Variants in SPMIP2 observed in about 807,000 individuals in gnomAD.
SPMIP2 encodes the protein sperm microtubule inner protein 2.
chr4:159,050,029 A>G, the SPMIP2 span, among the ~76,000 whole-genome samples: 2 of 152,182 alleles, frequency 1.3e-5, no homozygotes, highest in Admixed American at 1.3e-4. Context: ...AAAAATGTGC[A>G]TTGCTAAAAG....
the SPMIP2 span, among the ~76,000 whole-genome samples, chr4:159,047,668 G>A: frequency 6.6e-6 from 1 of 152,212 alleles, no homozygotes; most frequent in African/African-American, 2.4e-5. Context: ...CCCCAGCGAA[G>A]TAGTATTTCC....
At chr4:158,956,073 C>T in the SPMIP2 span, among the ~76,000 whole-genome samples, 1 of 89,740 alleles carries the variant, frequency 1.1e-5, no homozygotes, top group African/African-American at 3.3e-5. Flanking sequence ...TAAACTCTTC[C>T]TCTCAAAATT....
chr4:158,913,846 TA>T, the SPMIP2 span, among the ~76,000 whole-genome samples: 2,035 of 134,146 alleles, frequency 0.015, 11 homozygotes, highest in Middle Eastern at 0.049. Context: ...CCCCATATCT[TA>T]AAAAAAAAAA....
At chr4:158,983,246 T>A in the SPMIP2 span, among the ~76,000 whole-genome samples, 1 of 152,000 alleles carries the variant, frequency 6.6e-6, no homozygotes, top group Non-Finnish European at 1.5e-5. Context: ...TGCAGGATAT[T>A]ATCCAGGAGA....
At chr4:159,031,114 C>T in the SPMIP2 span, among the ~76,000 whole-genome samples, 3 of 152,136 alleles carry the variant, frequency 2.0e-5, no homozygotes, top group East Asian at 3.8e-4. Context: ...TATGAAAACA[C>T]GGACTTTATA....
At chr4:159,075,922 C>T in the SPMIP2 span, among the ~76,000 whole-genome samples, 2 of 152,010 alleles carry the variant, frequency 1.3e-5, no homozygotes, top group African/African-American at 4.8e-5. Flanking sequence ...GAAAAAAAAC[C>T]CTGGCTGGTG....
At chr4:158,974,635 A>C in the SPMIP2 span, among the ~76,000 whole-genome samples, 1 of 151,834 alleles carries the variant, frequency 6.6e-6, no homozygotes, top group African/African-American at 2.4e-5. Context: ...AAGGATATGA[A>C]CTCATTCTTT....
the SPMIP2 span, among the ~76,000 whole-genome samples, chr4:159,067,796 C>G: frequency 6.6e-6 from 1 of 152,064 alleles, no homozygotes; most frequent in African/African-American, 2.4e-5. Context: ...CTATAATGAA[C>G]TCAAACAAAT....
At chr4:158,929,009 G>A in the SPMIP2 span, among the ~76,000 whole-genome samples, 8 of 152,182 alleles carry the variant, frequency 5.3e-5, no homozygotes, top group Non-Finnish European at 4.4e-5. Context: ...CACTGCGAGC[G>A]TCCGAGCGTC....
chr4:159,069,618 C>G, the SPMIP2 span, among the ~76,000 whole-genome samples: 3 of 151,138 alleles, frequency 2.0e-5, no homozygotes, highest in Non-Finnish European at 3.0e-5. Flanking sequence ...AAAAAAAAAT[C>G]TTTTGTAGAT....
chr4:158,969,863 G>A, the SPMIP2 span, among the ~76,000 whole-genome samples: 4 of 152,218 alleles, frequency 2.6e-5, no homozygotes, highest in African/African-American at 9.7e-5. Context: ...CAATTGCCAT[G>A]TGAGACACTG....
the SPMIP2 span, among the ~76,000 whole-genome samples, chr4:159,003,504 C>A: frequency 1.3e-5 from 2 of 152,284 alleles, no homozygotes; most frequent in African/African-American, 4.8e-5. Context: ...CTAACCACTT[C>A]TGTTATTTCC....
chr4:158,963,888 A>G, the SPMIP2 span, among the ~76,000 whole-genome samples: 1 of 152,134 alleles, frequency 6.6e-6, no homozygotes, highest in Non-Finnish European at 1.5e-5. Context: ...TCAGCCGAGT[A>G]CGGTGGCTCA....
At chr4:159,051,997 C>G in the SPMIP2 span, among the ~76,000 whole-genome samples, 1 of 152,078 alleles carries the variant, frequency 6.6e-6, no homozygotes, top group Admixed American at 6.6e-5. Flanking sequence ...CTATCAAGCT[C>G]ACTGGAATTC....
At chr4:158,939,444 G>A in the SPMIP2 span, among the ~76,000 whole-genome samples, 4 of 150,936 alleles carry the variant, frequency 2.7e-5, no homozygotes, top group Admixed American at 1.3e-4. Flanking sequence ...TATGACTCTC[G>A]AAAATATGAA....
At chr4:159,056,584 G>A in the SPMIP2 span, among the ~76,000 whole-genome samples, 7 of 152,270 alleles carry the variant, frequency 4.6e-5, no homozygotes, top group South Asian at 1.2e-3. Context: ...TCCAAAGGAC[G>A]TGACTCTTGC....
At chr4:158,956,772 T>C in the SPMIP2 span, among the ~76,000 whole-genome samples, 1 of 152,166 alleles carries the variant, frequency 6.6e-6, no homozygotes, top group East Asian at 1.9e-4. Context: ...CTTTTCTCCA[T>C]TTACTTAAAG....
At chr4:158,975,615 G>A in the SPMIP2 span, among the ~76,000 whole-genome samples, 1 of 152,134 alleles carries the variant, frequency 6.6e-6, no homozygotes, top group Admixed American at 6.5e-5. Flanking sequence ...TTGTAGATGT[G>A]TGGTGTTATT....
chr4:158,942,756 C>T, the SPMIP2 span, among the ~76,000 whole-genome samples: 1 of 151,902 alleles, frequency 6.6e-6, no homozygotes, highest in Non-Finnish European at 1.5e-5. Context: ...CAGCCTGGAC[C>T]ACAGAGCAAG....
Sources: gnomAD v4.1 joint callset for allele counts (sites outside exome capture counted in the v4.1 genomes callset) on GRCh38, gnomAD v4.1.1 for gene constraint, MANE v1.5 for transcripts, NCBI Gene and HGNC (gene_info 2026-07-23, HGNC 2026-07-21) for gene names.